Variants in UBE2K observed in about 807,000 individuals in gnomAD.
UBE2K encodes the protein ubiquitin-conjugating enzyme E2 K.
UBE2K carries 6 observed loss-of-function variants against 30.0 expected under a neutral mutation model. The ratio of observed to expected loss-of-function variants is 0.20; its 90% CI spans 0.11 to 0.39. The LOEUF (loss-of-function observed/expected upper bound fraction) is 0.39. UBE2K is among the 10% of genes least tolerant of loss of function. UBE2K has a pLI of 1.00. For synonymous variants in UBE2K, 86 were observed against 83.7 expected, an observed-to-expected ratio of 1.03 and a Z score of -0.15; for missense variants, 61 against 241.6, an observed-to-expected ratio of 0.25 and a Z score of 4.96.
rs528022346 is a variant in UBE2K at position 39,748,264 on chromosome 4, G to C, written c.216+2454G>C. Among the ~76,000 whole-genome samples the C allele has an allele frequency of 2.2e-4, 34 of 152,088 alleles. 1 individual carries two copies. The South Asian group carries it at 6.2e-3, about 28-fold the overall frequency. On this transcript the variant is annotated intron_variant, in intron 3 of 6. Transcript: ENST00000261427. ...TTTAGAGACAGGGTCTTACTCTGTT[G>C]CTCAGTCTGGAGTTTAGTGGCATGC...
chr4:39,712,858 T>G (rs1718787181), intron 1 of UBE2K, among the ~76,000 whole-genome samples: 1 of 150,370 alleles, frequency 6.7e-6, no homozygotes, highest in Non-Finnish European at 1.5e-5. Context: ...AATTTAGTGT[T>G]TACTTTTTTT....
chr4:39,751,411 A>G (rs1304691762), intron 3 of UBE2K, among the ~76,000 whole-genome samples: 1 of 152,016 alleles, frequency 6.6e-6, no homozygotes, highest in Non-Finnish European at 1.5e-5. Flanking sequence ...TTTTGCTCAC[A>G]CCTGTAATCC....
At chr4:39,752,911 T>C (rs996878534) in intron 3 of UBE2K, among the ~76,000 whole-genome samples, 1 of 152,044 alleles carries the variant, frequency 6.6e-6, no homozygotes, top group Non-Finnish European at 1.5e-5. Context: ...TCCCAGCAGT[T>C]TGGGAGGCCG....
chr4:39,763,183 T>A (rs1712081430), intron 4 of UBE2K, among the ~76,000 whole-genome samples: 4 of 151,838 alleles, frequency 2.6e-5, no homozygotes, highest in Admixed American at 2.6e-4. Context: ...GCTCAAGTGA[T>A]CCACCCGCCT....
chr4:39,751,024 G>T (rs943085608), intron 3 of UBE2K, among the ~76,000 whole-genome samples: 1 of 151,630 alleles, frequency 6.6e-6, no homozygotes, highest in South Asian at 2.1e-4. Flanking sequence ...GGGATTACAG[G>T]TATGAGCCAC....
At chr4:39,755,009 A>G (rs12647535) in intron 3 of UBE2K, among the ~76,000 whole-genome samples, 15,754 of 152,256 alleles carry the variant, frequency 0.1, 1,093 homozygotes, top group East Asian at 0.22. Flanking sequence ...TTATTCTTCC[A>G]TAATGAGACA....
At chr4:39,748,732 A>G (rs931111407) in intron 3 of UBE2K, among the ~76,000 whole-genome samples, 5 of 152,088 alleles carry the variant, frequency 3.3e-5, no homozygotes, top group Non-Finnish European at 5.9e-5. Context: ...CCCAATTTGT[A>G]TTACTGTGAC....
intron 4 of UBE2K, among the ~76,000 whole-genome samples, chr4:39,759,277 T>C (rs1054868467): frequency 2.0e-5 from 3 of 149,878 alleles, no homozygotes; most frequent in Non-Finnish European, 4.4e-5. Flanking sequence ...TATTTGTTTA[T>C]TATTATTATT....
intron 2 of UBE2K, among the ~76,000 whole-genome samples, chr4:39,741,203 G>A (rs757817603): frequency 6.6e-6 from 1 of 152,054 alleles, no homozygotes; most frequent in Admixed American, 6.6e-5. Flanking sequence ...TCCATGAGAC[G>A]GAGGTTGCAG....
At chr4:39,745,911 T>A in intron 3 of UBE2K, 101 bp downstream of exon 3, 1 of 880,944 alleles carries the variant, frequency 1.1e-6, no homozygotes, top group Non-Finnish European at 1.7e-6. Context: ...GTCACAGCTT[T>A]ATGAATTGCT....
chr4:39,745,869 T>A (rs1720960581), intron 3 of UBE2K, 59 bp downstream of exon 3: 11 of 1,274,576 alleles, frequency 8.6e-6, no homozygotes, highest in Non-Finnish European at 1.2e-5. Context: ...TCTGACCTCA[T>A]TTTATTAATA....
At position 39,759,489 on chromosome 4, in the gene UBE2K, G is replaced by A. The variant is rs1711742148; in HGVS notation, c.299+3750G>A. The stretch of plus-strand genomic sequence containing the variant: ...AGTAGAGACAGGGTTCCACCGTGTT[G>A]GCCAGGCTGGTCTCAAACTCCTGAC... On this transcript the variant is annotated intron_variant, in intron 4 of 6. Transcript: ENST00000261427. 3.3e-5 allele frequency among the ~76,000 whole-genome samples: 5 copies of A among 152,060 alleles called. No homozygotes were observed. In the South Asian group the frequency reaches 1.0e-3, roughly 32 times the overall value.
In UBE2K at chr4:39,701,933, G is replaced by T. The variant is rs372471592; in HGVS notation, c.63+3543G>T. Among the ~76,000 whole-genome samples the T allele has an allele frequency of 2.2e-4, 33 of 151,380 alleles. 1 individual carries two copies. In the East Asian group the frequency reaches 4.7e-3, roughly 22 times the overall value. On this transcript the variant is annotated intron_variant, in intron 1 of 6. Transcript: ENST00000261427. ...CCGCCACCACGCCCAGCTAATTTTT[G>T]TATTTTTAGTAGAGACGACGTTTCA...
intron 1 of UBE2K, among the ~76,000 whole-genome samples, chr4:39,729,829 C>T (rs1481152532): frequency 1.3e-5 from 2 of 152,230 alleles, no homozygotes; most frequent in African/African-American, 4.8e-5. Flanking sequence ...CGTTTGCCTC[C>T]ATTTTGCACA....
chr4:39,745,635 T>C lies in UBE2K; in HGVS notation c.158-117T>C, dbSNP rs984345097. On this transcript the variant is annotated intron_variant, in intron 2 of 6. Transcript: ENST00000261427. ...TTACTTTCTTTCTGGATTTCAACTTTAAAATGAATTTTTATAATTGAATAT... is the reference window on the plus strand; with the variant it reads ...TTACTTTCTTTCTGGATTTCAACTTCAAAATGAATTTTTATAATTGAATAT... 32 of 699,296 alleles carry C rather than the reference T, an allele frequency of 4.6e-5. 1 individual carries two copies. Among genetic ancestry groups the C allele is most frequent in the South Asian group, 1.9e-4 (9 of 48,452 alleles). The allele number at this position is 699,296 out of a possible 1,614,324, so 43.3% of individuals were successfully genotyped here.
At chr4:39,752,398 A>G (rs887354861) in intron 3 of UBE2K, among the ~76,000 whole-genome samples, 1 of 131,740 alleles carries the variant, frequency 7.6e-6, no homozygotes, top group Non-Finnish European at 1.5e-5. Context: ...GTGCAGTGGC[A>G]CAATCTCGGC....
chr4:39,700,150 A>G (rs760438644), intron 1 of UBE2K, among the ~76,000 whole-genome samples: 1 of 152,094 alleles, frequency 6.6e-6, no homozygotes, highest in Non-Finnish European at 1.5e-5. Flanking sequence ...CTGCTCTGGT[A>G]ATTAATGTGG....
In UBE2K at chr4:39,737,187, G is replaced by C. The variant is rs577037779; in HGVS notation, c.64-233G>C. The stretch of plus-strand genomic sequence containing the variant: ...ATTCCTAGAAAGTCAAGAAGCCATT[G>C]TATTGTTGTTCATAGTGGTGTTATT... On this transcript the variant is annotated intron_variant, in intron 1 of 6. Transcript: ENST00000261427. Among the ~76,000 whole-genome samples the C allele has an allele frequency of 6.6e-5, 10 of 152,220 alleles. No homozygotes were observed. In the South Asian group the frequency reaches 1.7e-3, roughly 25 times the overall value.
At chr4:39,751,322 C>G (rs1347816875) in intron 3 of UBE2K, among the ~76,000 whole-genome samples, 2 of 152,112 alleles carry the variant, frequency 1.3e-5, no homozygotes, top group Non-Finnish European at 1.5e-5. Context: ...TGGGTCTTGG[C>G]TTTTTTCCTA....
Sources: gnomAD v4.1 joint callset for allele counts (sites outside exome capture counted in the v4.1 genomes callset) on GRCh38, gnomAD v4.1.1 for gene constraint, MANE v1.5 for transcripts, NCBI Gene and HGNC (gene_info 2026-07-23, HGNC 2026-07-21) for gene names.